THSD7A: variants seen among roughly 807,000 people sequenced by gnomAD.
The protein encoded by THSD7A is thrombospondin type 1 domain containing 7A, also known as thrombospondin type-1 domain-containing protein 7A.
A neutral mutation model predicts 231.3 loss-of-function variants in THSD7A; 96 were observed. The observed-to-expected ratio is 0.41, with a 90% confidence interval of 0.35 to 0.49. The LOEUF (loss-of-function observed/expected upper bound fraction) is 0.49, where lower values mean the gene tolerates loss of function less well. Among genes scored for constraint, THSD7A ranks in the 20% least tolerant of loss-of-function variants. The probability of loss-of-function intolerance (pLI) is 0.05; values close to 1 mark genes in which losing one functional copy is unlikely to be tolerated. For missense variants in THSD7A, 2,290 were observed against 2,070.2 expected (o/e 1.11, Z -2.06); for synonymous variants, 940 against 743.3 (o/e 1.26, Z -4.30).
At chr7:11,404,411 A>T (rs1783513622) in intron 22 of THSD7A, among the ~76,000 whole-genome samples, 1 of 152,238 alleles carries the variant, frequency 6.6e-6, no homozygotes, top group African/African-American at 2.4e-5. Context: ...ATGTCACAAC[A>T]ATCCTATTAC....
intron 1 of THSD7A, among the ~76,000 whole-genome samples, chr7:11,808,191 G>C (rs1284557371): frequency 6.6e-6 from 1 of 152,034 alleles, no homozygotes; most frequent in East Asian, 1.9e-4. Flanking sequence ...GTTTGAATGT[G>C]TCCCTTCCAA....
chr7:11,555,737 T>C (rs1480438314), intron 4 of THSD7A, among the ~76,000 whole-genome samples: 3 of 151,796 alleles, frequency 2.0e-5, no homozygotes, highest in African/African-American at 4.8e-5. Context: ...TTTTTGTTCA[T>C]ATATTTTGCA....
intron 4 of THSD7A, among the ~76,000 whole-genome samples, chr7:11,555,971 T>G (rs981072201): frequency 3.3e-5 from 5 of 151,866 alleles, no homozygotes; most frequent in Non-Finnish European, 7.4e-5. Context: ...TATAACATTA[T>G]ATTTGAAGTG....
chr7:11,810,766 G>C (rs1784509292), intron 1 of THSD7A, among the ~76,000 whole-genome samples: 2 of 152,082 alleles, frequency 1.3e-5, no homozygotes, highest in African/African-American at 4.8e-5. Context: ...TCAGCCCTAG[G>C]GTGGTTTAAT....
chr7:11,738,035 A>ATATCTATATC (rs1761376002), intron 1 of THSD7A, among the ~76,000 whole-genome samples: 1 of 151,568 alleles, frequency 6.6e-6, no homozygotes, highest in African/African-American at 2.4e-5. Flanking sequence ...TTATATATCT[A>ATATCTATATC]TATCTATCTA....
At chr7:11,676,170 G>A (rs1584193192) in intron 1 of THSD7A, among the ~76,000 whole-genome samples, 10 of 152,184 alleles carry the variant, frequency 6.6e-5, no homozygotes, top group Admixed American at 6.5e-4. Flanking sequence ...CTGCAGAAGA[G>A]GGGCCTGACT....
rs1268628813 is a variant in THSD7A, at chr7:11,481,918, G to T, written c.1887C>A (p.Ala629=). Residue 629 remains alanine, a synonymous_variant, in exon 7 of 28, where the codon GCC becomes GCA. Coordinates refer to ENST00000423059, the MANE Select transcript of THSD7A (RefSeq NM_015204.3). ...AIFPIPVACD[A]PCPKDCVLST... ...TGAGCACACAGTCTTTCGGGCATGGGGCATCACAGGCCACAGGGATGGGGA... is the reference window on the plus strand; with the variant it reads ...TGAGCACACAGTCTTTCGGGCATGGTGCATCACAGGCCACAGGGATGGGGA... 1 of 1,613,546 alleles carries T rather than the reference G, an allele frequency of 6.2e-7. No homozygotes were observed. Among genetic ancestry groups the T allele is most frequent in the Non-Finnish European group, 8.5e-7 (1 of 1,179,702 alleles).
At chr7:11,721,836 G>T (rs1012149910) in intron 1 of THSD7A, among the ~76,000 whole-genome samples, 5 of 151,734 alleles carry the variant, frequency 3.3e-5, no homozygotes, top group African/African-American at 1.2e-4. Flanking sequence ...TAGTATTCCA[G>T]GCCTTCCAAA....
At chr7:11,448,259 A>G (rs370572352) in intron 11 of THSD7A, among the ~76,000 whole-genome samples, 1 of 152,138 alleles carries the variant, frequency 6.6e-6, no homozygotes, top group South Asian at 2.1e-4. Context: ...ATTTTTACCT[A>G]TTGAACATAT....
At chr7:11,547,884 A>G (rs1789463778) in intron 4 of THSD7A, among the ~76,000 whole-genome samples, 1 of 152,182 alleles carries the variant, frequency 6.6e-6, no homozygotes, top group Admixed American at 6.5e-5. Context: ...AGTTTACAAT[A>G]CTAAATGCTC....
rs906557034 is a variant in THSD7A at position 11,541,836 on chromosome 7, GA to G, written c.1610-206del. On this transcript the variant is annotated intron_variant, in intron 5 of 27. Transcript: ENST00000423059. ...GAGTGAGTGGATTAACGAATGGAAT[GA>G]AAAAAAATGAGAACCTTTGGTTTTA... Among the ~76,000 whole-genome samples the G allele has an allele frequency of 4.6e-5, 7 of 151,832 alleles. No homozygotes were observed. In the South Asian group the frequency reaches 8.3e-4, roughly 18 times the overall value.
At chr7:11,441,473 A>C (rs1412097820) in intron 13 of THSD7A, among the ~76,000 whole-genome samples, 1 of 152,068 alleles carries the variant, frequency 6.6e-6, no homozygotes, top group African/African-American at 2.4e-5. Context: ...AAAAAGTTCC[A>C]GATATTCTGC....
chr7:11,414,145 C>G (rs1336246137), intron 17 of THSD7A: 1 of 152,248 alleles, frequency 6.6e-6, no homozygotes, highest in East Asian at 1.9e-4. Context: ...CCTGACACTG[C>G]CTCTCCCTTT....
intron 1 of THSD7A, among the ~76,000 whole-genome samples, chr7:11,649,160 A>G (rs1001991726): frequency 2.6e-5 from 4 of 152,204 alleles, no homozygotes; most frequent in Admixed American, 1.3e-4. Flanking sequence ...GAAGCCATCT[A>G]TGATGTCATG....
chr7:11,411,124 G>T lies in THSD7A; in HGVS notation c.3798+83C>A, dbSNP rs1051205473. On this transcript the variant is annotated intron_variant, in intron 19 of 27. Coordinates refer to ENST00000423059, the MANE Select transcript of THSD7A (RefSeq NM_015204.3). This position sits in a 1 kb window ranked among gnomAD's most constrained non-coding sequence, Gnocchi z 4.1. ...ACATCTGCTGGCAATGAGCTGCATG[G>T]AGCACGGGTCACTTGGCTCAGCATG... 1.4e-5 allele frequency: 14 copies of T among 1,000,564 alleles called. No individual in the cohort carries two copies. In the Middle Eastern group the frequency reaches 6.3e-4, roughly 45 times the overall value. 62.0% of individuals were successfully genotyped at this position (1,000,564 alleles called of 1,614,324 possible).
chr7:11,427,293 AAGTTTCTATTTTTATGCAG>A (rs1330517978), intron 14 of THSD7A, among the ~76,000 whole-genome samples: 2 of 152,186 alleles, frequency 1.3e-5, no homozygotes, highest in African/African-American at 4.8e-5. Flanking sequence ...AAATTCATAG[AAGTTTCTATTTTTATGCAG>A]AACATTTAGG....
chr7:11,397,356 A>G (rs1285418543), intron 23 of THSD7A, among the ~76,000 whole-genome samples: 1 of 152,236 alleles, frequency 6.6e-6, no homozygotes, highest in Non-Finnish European at 1.5e-5. Flanking sequence ...CTGGCTAGCC[A>G]TATGCAGAAA....
chr7:11,420,242 A>G (rs1025549142), intron 16 of THSD7A, among the ~76,000 whole-genome samples: 5 of 152,220 alleles, frequency 3.3e-5, no homozygotes, highest in African/African-American at 1.2e-4. Context: ...ACTTCATGAC[A>G]GCCACTCCCA....
chr7:11,382,673 T>C, intron 23 of THSD7A, 57 bp from the exon 24 acceptor site: 2 of 1,271,196 alleles, frequency 1.6e-6, no homozygotes, highest in East Asian at 2.3e-5. Flanking sequence ...AGGACAATCA[T>C]GGGGATAGAG....
Sources: allele counts gnomAD v4.1 joint callset (sites outside exome capture counted in the v4.1 genomes callset), GRCh38; gene constraint gnomAD v4.1.1; non-coding constraint Gnocchi (gnomAD v3.1); transcripts MANE v1.5; gene names NCBI Gene and HGNC (gene_info 2026-07-23, HGNC 2026-07-21).